The following CDH13 variants were observed in gnomAD, a reference collection of about 807,000 sequenced individuals.
The protein encoded by CDH13 is cadherin 13.
A neutral mutation model predicts 63.8 loss-of-function variants in CDH13; 24 were observed. That is an observed-to-expected ratio of 0.38 (90% CI 0.27 to 0.53). CDH13 has a LOEUF of 0.53. Ranked by LOEUF, CDH13 falls within the 20% of genes least tolerant of loss-of-function variation. The pLI, the probability that CDH13 is intolerant of heterozygous loss-of-function variation, is 0.85. For missense variants in CDH13, 1,049 were observed against 903.1 expected (o/e 1.16, Z -2.07); for synonymous variants, 503 against 355.3 (o/e 1.42, Z -4.67).
chr16:83,254,537 C>A (rs1036692015), intron 5 of CDH13, among the ~76,000 whole-genome samples: 5 of 152,202 alleles, frequency 3.3e-5, no homozygotes, highest in African/African-American at 4.8e-5. Context: ...TGGACAGGAT[C>A]CCCTGTGGCT....
chr16:82,983,859 C>G (rs76923597), intron 2 of CDH13, among the ~76,000 whole-genome samples: 3,253 of 152,228 alleles, frequency 0.021, 44 homozygotes, highest in South Asian at 0.033. Context: ...TGCTCATGGA[C>G]CTTTCAGCAG....
At chr16:83,401,501 G>C (rs560519193) in intron 6 of CDH13, among the ~76,000 whole-genome samples, 20 of 152,076 alleles carry the variant, frequency 1.3e-4, no homozygotes, top group Non-Finnish European at 2.4e-4. Flanking sequence ...AACAGAGCAA[G>C]ACTCCGTCTC....
chr16:83,533,301 C>G (rs942210245), intron 7 of CDH13, among the ~76,000 whole-genome samples: 1 of 152,196 alleles, frequency 6.6e-6, no homozygotes, highest in Non-Finnish European at 1.5e-5. Context: ...CTCAGCGTGA[C>G]TCGCAACCTC....
rs145791645 is a variant in CDH13 at position 83,672,784 on chromosome 16, C to G, written c.1284+1812C>G. On this transcript the variant is annotated intron_variant, in intron 9 of 13. Coordinates refer to ENST00000567109, the MANE Select transcript of CDH13 (RefSeq NM_001257.5). The stretch of plus-strand genomic sequence containing the variant: ...CTGTAGCAAACACATTTTGGGGAGG[C>G]CTGAGCTCCAGGATATGTGATGGAG... Among the ~76,000 whole-genome samples the G allele has an allele frequency of 1.8e-3, 274 of 152,208 alleles. 3 individuals carry two copies. In the East Asian group the frequency reaches 0.029, roughly 16 times the overall value.
chr16:83,248,990 A>G (rs767626617), intron 5 of CDH13, among the ~76,000 whole-genome samples: 5 of 152,200 alleles, frequency 3.3e-5, no homozygotes, highest in Non-Finnish European at 7.3e-5. Flanking sequence ...CTTTGAGTGC[A>G]TAACCTTTCA....
At chr16:82,803,191 C>A (rs1341675913) in intron 1 of CDH13, among the ~76,000 whole-genome samples, 1 of 152,184 alleles carries the variant, frequency 6.6e-6, no homozygotes, top group African/African-American at 2.4e-5. Flanking sequence ...AGCTTACCTA[C>A]CATGTCTTTG....
chr16:83,468,833 C>T (rs143304430), intron 6 of CDH13, among the ~76,000 whole-genome samples: 2 of 152,282 alleles, frequency 1.3e-5, no homozygotes, highest in African/African-American at 2.4e-5. Context: ...AAACGTGTGC[C>T]ATGGTGGTTT....
At chr16:83,180,030 C>T (rs1026769931) in intron 4 of CDH13, among the ~76,000 whole-genome samples, 8 of 152,066 alleles carry the variant, frequency 5.3e-5, no homozygotes, top group Middle Eastern at 3.4e-3. Flanking sequence ...GAGTAGATTT[C>T]CCTCTCTTAA....
intron 5 of CDH13, among the ~76,000 whole-genome samples, chr16:83,263,316 A>G (rs1291636420): frequency 1.3e-5 from 2 of 152,228 alleles, no homozygotes; most frequent in Non-Finnish European, 2.9e-5. Context: ...CATTCGGAAC[A>G]TTTCCAGGAT....
At chr16:83,499,468 T>C (rs551757586) in intron 7 of CDH13, among the ~76,000 whole-genome samples, 76 of 152,356 alleles carry the variant, frequency 5.0e-4, no homozygotes, top group African/African-American at 1.7e-3. Flanking sequence ...ACCAGCCTTG[T>C]GCTAGAGAAA....
intron 4 of CDH13, among the ~76,000 whole-genome samples, chr16:83,184,895 G>C (rs1191091776): frequency 1.3e-5 from 2 of 149,598 alleles, no homozygotes; most frequent in Admixed American, 1.3e-4. Flanking sequence ...GTGTGTGTGT[G>C]TGTGTGTGTG....
chr16:82,761,968 G>T (rs148274977), intron 1 of CDH13, among the ~76,000 whole-genome samples: 1 of 152,124 alleles, frequency 6.6e-6, no homozygotes, highest in Non-Finnish European at 1.5e-5. Flanking sequence ...TGCATTAAAG[G>T]CACAAAAGCT....
intron 2 of CDH13, among the ~76,000 whole-genome samples, chr16:82,999,741 T>C (rs1027530635): frequency 1.3e-5 from 2 of 152,196 alleles, no homozygotes; most frequent in African/African-American, 4.8e-5. Context: ...CAAGGACCCC[T>C]CTCCAGCAGC....
intron 1 of CDH13, among the ~76,000 whole-genome samples, chr16:82,819,564 C>T (rs1486625810): frequency 6.6e-6 from 1 of 152,110 alleles, no homozygotes; most frequent in Non-Finnish European, 1.5e-5. Context: ...TACCTCTAGC[C>T]ACACTGTGTT....
intron 1 of CDH13, among the ~76,000 whole-genome samples, chr16:82,694,156 C>G (rs1042620392): frequency 6.6e-6 from 1 of 152,174 alleles, no homozygotes; most frequent in Non-Finnish European, 1.5e-5. Context: ...GCATATAGAG[C>G]TATTTATGCA....
At chr16:83,016,215 T>C (rs1052915429) in intron 2 of CDH13, among the ~76,000 whole-genome samples, 7 of 152,214 alleles carry the variant, frequency 4.6e-5, no homozygotes, top group African/African-American at 1.7e-4. Context: ...AACCCACGTA[T>C]GCACACAAGA....
In CDH13 at chr16:83,007,043, C is replaced by G. The variant is rs569018327; in HGVS notation, c.158-24967C>G. 1.4e-3 allele frequency among the ~76,000 whole-genome samples: 217 copies of G among 152,190 alleles called. 1 individual carries two copies. Among genetic ancestry groups the G allele is most frequent in the African/African-American group, 5.0e-3 (206 of 41,510 alleles). On this transcript the variant is annotated intron_variant, in intron 2 of 13. Transcript: ENST00000567109. ...GGCTCAGGCGATTTTCCTGCCTCAA[C>G]TTCCCAAGTAGCTGGGATTACAGGC...
At chr16:83,420,951 G>T (rs980573517) in intron 6 of CDH13, among the ~76,000 whole-genome samples, 1 of 152,176 alleles carries the variant, frequency 6.6e-6, no homozygotes, top group Non-Finnish European at 1.5e-5. Context: ...AGCAAGCAAG[G>T]TTATCACACC....
chr16:82,659,939 A>G (rs58720047), intron 1 of CDH13, among the ~76,000 whole-genome samples: 19,169 of 152,072 alleles, frequency 0.13, 1,687 homozygotes, highest in East Asian at 0.26. Flanking sequence ...TCCTGGAGGG[A>G]AAGGGGGGAA....
Sources: gnomAD v4.1 joint callset for allele counts (sites outside exome capture counted in the v4.1 genomes callset) on GRCh38, gnomAD v4.1.1 for gene constraint, MANE v1.5 for transcripts, NCBI Gene and HGNC (gene_info 2026-07-23, HGNC 2026-07-21) for gene names.